Variants in ZC3H15 observed in about 807,000 individuals in gnomAD.
ZC3H15 encodes zinc finger CCCH-type containing 15.
Under a neutral mutation model 51.2 loss-of-function variants are expected in ZC3H15, and 15 were observed. The ratio of observed to expected loss-of-function variants is 0.29; its 90% CI spans 0.20 to 0.45. ZC3H15 has a LOEUF of 0.45. Ranked by LOEUF, ZC3H15 falls within the 20% of genes least tolerant of loss-of-function variation. ZC3H15 has a pLI of 1.00. For synonymous variants in ZC3H15, 144 were observed against 162.8 expected, an observed-to-expected ratio of 0.88 and a Z score of 0.88; for missense variants, 381 against 494.7, an observed-to-expected ratio of 0.77 and a Z score of 2.18.
intron 5 of ZC3H15, among the ~76,000 whole-genome samples, chr2:186,503,007 C>G (rs1685411947): frequency 6.6e-6 from 1 of 151,954 alleles, no homozygotes; most frequent in Non-Finnish European, 1.5e-5. Flanking sequence ...ATATGAATTC[C>G]AAAATGAATT....
In ZC3H15 at chr2:186,508,744, A is replaced by G. The variant is rs1559013993; in HGVS notation, c.*11A>G. 1 of 1,611,464 alleles carries G rather than the reference A, an allele frequency of 6.2e-7. No individual in the cohort carries two copies. The highest frequency in any genetic ancestry group is 8.5e-7 in the Non-Finnish European group (1 of 1,178,160). Reference sequence around the variant, plus strand: ...GATTTAGAAGAATGACACCAAACACATCGCTGAAAAAATTAAGTCAGCTCA... The same window carrying G: ...GATTTAGAAGAATGACACCAAACACGTCGCTGAAAAAATTAAGTCAGCTCA... On this transcript the variant is annotated 3_prime_UTR_variant, in exon 10 of 10. Coordinates refer to ENST00000337859, the MANE Select transcript of ZC3H15 (RefSeq NM_018471.3).
chr2:186,505,499 C>G lies in ZC3H15; in HGVS notation c.766C>G (p.Leu256Val). ...NVTKITLESF[L>V]AWKKRKRQEK... ...TACCAAAATCACTCTAGAATCTTTTCTTGCCTGGAAGAAAAGGAAAAGACA... is the reference window on the plus strand; with the variant it reads ...TACCAAAATCACTCTAGAATCTTTTGTTGCCTGGAAGAAAAGGAAAAGACA... The change falls in exon 7 of 10, where the codon CTT becomes GTT. Residue 256 changes from leucine to valine, a missense_variant. Coordinates refer to ENST00000337859, the MANE Select transcript of ZC3H15 (RefSeq NM_018471.3). 6.3e-7 allele frequency: 1 copy of G among 1,596,994 alleles called. No individual in the cohort carries two copies. Among genetic ancestry groups the G allele is most frequent in the Non-Finnish European group, 8.5e-7 (1 of 1,174,646 alleles).
Position 186,504,083 on chromosome 2 carries a change from T to G in ZC3H15, c.586T>G (p.Trp196Gly). The G allele has an allele frequency of 1.9e-6, 3 of 1,607,402 alleles. No individual in the cohort carries two copies. Among genetic ancestry groups the G allele is most frequent in the Non-Finnish European group, 2.5e-6 (3 of 1,176,886 alleles). The change falls in exon 6 of 10, where the codon TGG becomes GGG. Residue 196 changes from tryptophan (W) to glycine (G), a missense_variant. This residue lies in a region of ZC3H15 where 41 missense variants were observed against 86.5 expected (regional missense o/e 0.47). Transcript: ENST00000337859. The stretch of plus-strand genomic sequence containing the variant: ...TGAAAACAACAAGTATGGCTGGTTT[T>G]GGGTATGCCCTGGAGGGGGTGATAT... ...AIENNKYGWF[W>G]VCPGGGDICM...
chr2:186,502,350 C>T, intron 4 of ZC3H15, 146 bp from the exon 5 acceptor site: 1 of 596,324 alleles, frequency 1.7e-6, no homozygotes. Flanking sequence ...CCATCCTGAG[C>T]AACAGTGAGA....
chr2:186,493,613 A>G (rs548271914), intron 1 of ZC3H15, among the ~76,000 whole-genome samples: 7 of 152,260 alleles, frequency 4.6e-5, no homozygotes, highest in Admixed American at 3.3e-4. Context: ...AAACTGGGTC[A>G]CTTAAAACAA....
chr2:186,489,197 A>G (rs1239296504), intron 1 of ZC3H15: 1 of 152,226 alleles, frequency 6.6e-6, no homozygotes, highest in South Asian at 2.1e-4. Flanking sequence ...TACTGCAACA[A>G]AGTTTGTCAG....
At chr2:186,500,593 AG>A (rs111548705) in intron 3 of ZC3H15, 29 of 531,034 alleles carry the variant, frequency 5.5e-5, no homozygotes, top group African/African-American at 3.4e-4. Context: ...GCAAAGCCAT[AG>A]TTGAATAAAC....
chr2:186,488,532 G>A (rs904827282), intron 1 of ZC3H15: 4 of 152,120 alleles, frequency 2.6e-5, no homozygotes, highest in Non-Finnish European at 5.9e-5. Context: ...GTATTCTCTT[G>A]TATGGGAACC....
intron 4 of ZC3H15, 86 bp from the exon 5 acceptor site, chr2:186,502,407 CTTA>C: frequency 8.8e-7 from 1 of 1,134,972 alleles, no homozygotes; most frequent in Non-Finnish European, 1.3e-6. Context: ...AGCCATGAGT[CTTA>C]TAACACAGCA....
intron 1 of ZC3H15, 131 bp downstream of exon 1, chr2:186,486,588 G>A (rs1685098569): frequency 2.2e-6 from 2 of 913,974 alleles, no homozygotes; most frequent in Non-Finnish European, 3.1e-6. Flanking sequence ...GTGGCCCACT[G>A]CCCCTTCTCC....
chr2:186,504,407 T>C (rs1685435276), intron 6 of ZC3H15, among the ~76,000 whole-genome samples, 193 bp downstream of exon 6: 1 of 152,224 alleles, frequency 6.6e-6, no homozygotes, highest in African/African-American at 2.4e-5. Flanking sequence ...TAGCCAATCA[T>C]GACATTAATT....
intron 1 of ZC3H15, chr2:186,488,660 T>C (rs935283573): frequency 5.9e-5 from 9 of 152,266 alleles, no homozygotes; most frequent in African/African-American, 2.2e-4. Context: ...GAGGCGGTGT[T>C]TGTTAAAATC....
intron 2 of ZC3H15, among the ~76,000 whole-genome samples, chr2:186,497,699 C>T (rs1294055028): frequency 6.6e-6 from 1 of 152,208 alleles, no homozygotes; most frequent in Non-Finnish European, 1.5e-5. Context: ...CCTGCTTTCT[C>T]TTCCCCAACT....
intron 8 of ZC3H15, 130 bp from the exon 9 acceptor site, chr2:186,506,583 C>T (rs1174465133): frequency 1.9e-6 from 2 of 1,051,874 alleles, no homozygotes; most frequent in Non-Finnish European, 2.7e-6. Context: ...TGAGCCTCCA[C>T]ACCTGGCCAG....
In ZC3H15 at chr2:186,508,877, T is replaced by C; in HGVS notation, c.*144T>C. 5 of 796,568 alleles carry C rather than the reference T, an allele frequency of 6.3e-6. No homozygotes were observed. The highest frequency in any genetic ancestry group is 1.0e-5 in the Non-Finnish European group (5 of 500,670). 49.3% of individuals were successfully genotyped at this position (796,568 alleles called of 1,614,324 possible). Reference sequence around the variant, plus strand: ...TTAACCTCCTGCAAAAAAGGCATCTTGTCCCTACATCTTCTCTTCTGACTT... The same window carrying C: ...TTAACCTCCTGCAAAAAAGGCATCTCGTCCCTACATCTTCTCTTCTGACTT... On this transcript the variant is annotated 3_prime_UTR_variant, in exon 10 of 10. Coordinates refer to ENST00000337859, the MANE Select transcript of ZC3H15 (RefSeq NM_018471.3).
intron 6 of ZC3H15, 57 bp downstream of exon 6, chr2:186,504,271 C>T: frequency 7.2e-7 from 1 of 1,380,588 alleles, no homozygotes. Context: ...TTGTGAAATT[C>T]TAATACTTAC....
chr2:186,505,768 G>A lies in ZC3H15; in HGVS notation c.893G>A (p.Arg298His), dbSNP rs374300681. ...VISGREVFEF[R>H]PELVNDDDEE... ...AGTGGTCGTGAAGTGTTTGAATTTC[G>A]TCCTGAACTGGTCAATGATGATGAT... Residue 298 changes from arginine to histidine, a missense_variant, in exon 8 of 10, where the codon CGT (arginine) becomes CAT (histidine). By Grantham distance (29) the Arg-to-His change is conservative (BLOSUM62 0). Coordinates refer to ENST00000337859, the MANE Select transcript of ZC3H15 (RefSeq NM_018471.3). 17 of 1,613,902 alleles carry A rather than the reference G, an allele frequency of 1.1e-5. No individual in the cohort carries two copies. Among genetic ancestry groups the A allele is most frequent in the Middle Eastern group, 1.6e-4 (1 of 6,084 alleles).
Position 186,505,437 on chromosome 2 carries a change from C to G in ZC3H15, c.718-14C>G. The G allele has an allele frequency of 6.6e-7, 1 of 1,517,710 alleles. No individual in the cohort carries two copies. Among genetic ancestry groups the G allele is most frequent in the South Asian group, 1.4e-5 (1 of 73,372 alleles). 94.0% of individuals were successfully genotyped at this position (1,517,710 alleles called of 1,614,324 possible). ...GACTTCTGTGGAAAAAAAATTAATTCTTTACCATTGCAGCGTTCTGCCCTA... is the reference window on the plus strand; with the variant it reads ...GACTTCTGTGGAAAAAAAATTAATTGTTTACCATTGCAGCGTTCTGCCCTA... On this transcript the variant is annotated splice_polypyrimidine_tract_variant and intron_variant, in intron 6 of 9. Coordinates refer to ENST00000337859, the MANE Select transcript of ZC3H15 (RefSeq NM_018471.3).
chr2:186,493,917 A>G (rs993497433), intron 1 of ZC3H15, among the ~76,000 whole-genome samples: 2 of 149,456 alleles, frequency 1.3e-5, no homozygotes, highest in African/African-American at 5.0e-5. Flanking sequence ...GTGAAGACCT[A>G]CGTCCAAATA....
Sources: allele counts gnomAD v4.1 joint callset (sites outside exome capture counted in the v4.1 genomes callset), GRCh38; gene constraint gnomAD v4.1.1; regional missense constraint gnomAD v4.1.1; transcripts MANE v1.5; gene names NCBI Gene and HGNC (gene_info 2026-07-23, HGNC 2026-07-21).